The following NOCT variants were observed in gnomAD, a reference collection of about 807,000 sequenced individuals.
The protein encoded by NOCT is nocturnin.
A neutral mutation model predicts 35.0 loss-of-function variants in NOCT; 18 were observed. The observed-to-expected ratio is 0.51, with a 90% CI of 0.36 to 0.76. NOCT has a LOEUF of 0.76. NOCT is among the 30% of genes least tolerant of loss of function. The pLI, the probability that NOCT is intolerant of heterozygous loss-of-function variation, is 0.01. For missense variants in NOCT, 479 were observed against 541.0 expected, an observed-to-expected ratio of 0.89 and a Z score of 1.14; for synonymous variants, 235 against 226.3, an observed-to-expected ratio of 1.04 and a Z score of -0.34.
At chr4:139,024,135 A>G (rs1726473194) in intron 1 of NOCT, among the ~76,000 whole-genome samples, 1 of 147,010 alleles carries the variant, frequency 6.8e-6, no homozygotes, top group Non-Finnish European at 1.5e-5. Context: ...ATCATAGCTC[A>G]CTGTAACCTC....
intron 1 of NOCT, among the ~76,000 whole-genome samples, chr4:139,020,125 C>T (rs1458105137): frequency 6.6e-6 from 1 of 152,180 alleles, no homozygotes; most frequent in Non-Finnish European, 1.5e-5. Flanking sequence ...CATTCAATGG[C>T]AACAGTTTAA....
intron 1 of NOCT, among the ~76,000 whole-genome samples, chr4:139,042,084 T>TTC (rs1467210787): frequency 6.7e-6 from 1 of 148,792 alleles, no homozygotes; most frequent in Non-Finnish European, 1.5e-5. Flanking sequence ...TTTTTTTTTT[T>TTC]TTTTTTTGAG....
At chr4:139,021,762 T>TG (rs1301999368) in intron 1 of NOCT, among the ~76,000 whole-genome samples, 1 of 37,254 alleles carries the variant, frequency 2.7e-5, no homozygotes, top group South Asian at 1.6e-3. Context: ...ACAGTTTTTC[T>TG]GGTTTTTTTT....
chr4:139,035,719 ATC>A (rs947487282), intron 1 of NOCT, among the ~76,000 whole-genome samples: 1 of 152,076 alleles, frequency 6.6e-6, no homozygotes, highest in African/African-American at 2.4e-5. Flanking sequence ...GCTGCTTCCC[ATC>A]TCTGATAAAG....
At chr4:139,016,631 G>T (rs1726309928) in intron 1 of NOCT, among the ~76,000 whole-genome samples, 1 of 107,198 alleles carries the variant, frequency 9.3e-6, no homozygotes, top group Admixed American at 1.0e-4. Context: ...ACATTGATTC[G>T]TTTTACGTTG....
intron 1 of NOCT, among the ~76,000 whole-genome samples, chr4:139,041,430 AC>A (rs1371502194): frequency 1.3e-5 from 2 of 152,206 alleles, no homozygotes; most frequent in Admixed American, 1.3e-4. Flanking sequence ...ATTGCCTGGT[AC>A]CAGCATTTAT....
intron 2 of NOCT, chr4:139,043,592 A>G (rs558536460): frequency 2.3e-6 from 1 of 428,398 alleles, no homozygotes; most frequent in Non-Finnish European, 4.2e-6. Context: ...TGGAAGGTGT[A>G]AAGAATAAAC....
At chr4:139,035,585 A>G (rs562410606) in intron 1 of NOCT, among the ~76,000 whole-genome samples, 11 of 152,006 alleles carry the variant, frequency 7.2e-5, no homozygotes, top group Non-Finnish European at 1.6e-4. Flanking sequence ...ATTATTGTAC[A>G]TTTCCTCAAA....
Position 139,045,379 on chromosome 4 carries a change from G to A in NOCT, c.1201G>A (p.Gly401Arg). 1 of 1,614,056 alleles carries A rather than the reference G, an allele frequency of 6.2e-7. No individual in the cohort carries two copies. The highest frequency in any genetic ancestry group is 8.5e-7 in the Non-Finnish European group (1 of 1,179,982). ...CGATCTGCTCACTGAAGAACAGATT[G>A]GACCCAACAGGTTACCTTCCTTCAA... is the stretch of plus-strand genomic sequence containing the variant. ...ALDLLTEEQI[G>R]PNRLPSFNYP... Residue 401 changes from glycine to arginine, a missense_variant, in exon 3 of 3, where the codon GGA (glycine) becomes AGA (arginine). This residue lies in a region of NOCT where 214 missense variants were observed against 284.0 expected (regional missense o/e 0.75). Coordinates refer to ENST00000280614, the MANE Select transcript of NOCT (RefSeq NM_012118.4).
intron 1 of NOCT, among the ~76,000 whole-genome samples, chr4:139,042,025 C>T (rs1726840479): frequency 6.7e-6 from 1 of 150,120 alleles, no homozygotes; most frequent in Non-Finnish European, 1.5e-5. Context: ...TTAACATTAA[C>T]ATGGGCTTTC....
In NOCT at chr4:139,045,453, G is replaced by C. The variant is rs1220534684; in HGVS notation, c.1275G>C (p.Glu425Asp). 1.9e-6 allele frequency: 3 copies of C among 1,580,284 alleles called. No homozygotes were observed. The highest frequency in any genetic ancestry group is 2.7e-5 in the African/African-American group (2 of 73,668). Reference sequence around the variant, plus strand: ...TAGTGTGTGACTTCAGCTTTACTGAGGAATCTGATGGACTTTCATAAATAC... The same window carrying C: ...TAGTGTGTGACTTCAGCTTTACTGACGAATCTGATGGACTTTCATAAATAC... ...LSLVCDFSFT[E>D]ESDGLS Residue 425 changes from glutamate to aspartate, a missense_variant, in exon 3 of 3, where the codon GAG (glutamate) becomes GAC (aspartate). By Grantham distance (45) the Glu-to-Asp change is conservative. Coordinates refer to ENST00000280614, the MANE Select transcript of NOCT (RefSeq NM_012118.4).
intron 1 of NOCT, chr4:139,028,443 T>G (rs559708438): frequency 6.6e-6 from 1 of 152,458 alleles, no homozygotes; most frequent in African/African-American, 2.4e-5. Context: ...TCACTTGATA[T>G]CTCTGGTAAT....
chr4:139,024,045 C>CTTTTT (rs368349308), intron 1 of NOCT, among the ~76,000 whole-genome samples: 1 of 130,998 alleles, frequency 7.6e-6, no homozygotes, highest in African/African-American at 2.9e-5. Flanking sequence ...TCTATTCATC[C>CTTTTT]TTTTTTTTTT....
rs1378636262 is a variant in NOCT, at chr4:139,015,925, C to G, written c.-57C>G. 1 of 1,271,704 alleles carries G rather than the reference C, an allele frequency of 7.9e-7. No individual in the cohort carries two copies. Among genetic ancestry groups the G allele is most frequent in the African/African-American group, 1.6e-5 (1 of 63,284 alleles). The allele number at this position is 1,271,704 out of a possible 1,614,324, so 78.8% of individuals were successfully genotyped here. On this transcript the variant is annotated 5_prime_UTR_variant, in exon 1 of 3. Transcript: ENST00000280614. ...TCGGCTCGACTCGGTGCCCTCGGCC[C>G]CAGCCGGGCTCCGCTCCTCGGGCGC...
intron 1 of NOCT, among the ~76,000 whole-genome samples, chr4:139,033,577 C>T (rs182293139): frequency 1.3e-5 from 2 of 151,530 alleles, no homozygotes; most frequent in African/African-American, 4.9e-5. Context: ...TAGGCTGAGG[C>T]AGGAGGATTG....
chr4:139,040,958 T>C (rs1050815946), intron 1 of NOCT, among the ~76,000 whole-genome samples: 1 of 152,178 alleles, frequency 6.6e-6, no homozygotes, highest in African/African-American at 2.4e-5. Flanking sequence ...CTGCCAGCCA[T>C]GAAGAAAATT....
chr4:139,035,307 T>C (rs1002105691), intron 1 of NOCT, among the ~76,000 whole-genome samples: 1 of 152,096 alleles, frequency 6.6e-6, no homozygotes, highest in African/African-American at 2.4e-5. Flanking sequence ...TTGTTCTGTT[T>C]TGTTTTGTTG....
At chr4:139,018,642 A>G (rs1241625245) in intron 1 of NOCT, among the ~76,000 whole-genome samples, 1 of 152,244 alleles carries the variant, frequency 6.6e-6, no homozygotes, top group African/African-American at 2.4e-5. Context: ...TCTTTACAGA[A>G]TGTCTCACAC....
At chr4:139,043,837 C>T (rs1400255345) in intron 2 of NOCT, 1 of 153,214 alleles carries the variant, frequency 6.5e-6, no homozygotes. Context: ...ATCGCTTGAA[C>T]CCAGAAAGTG....
Sources: gnomAD v4.1 joint callset for allele counts (sites outside exome capture counted in the v4.1 genomes callset) on GRCh38, gnomAD v4.1.1 for gene constraint, gnomAD v4.1.1 regional missense constraint, MANE v1.5 for transcripts, NCBI Gene and HGNC (gene_info 2026-07-23, HGNC 2026-07-21) for gene names.